Variants in RNF144A observed in about 807,000 individuals in gnomAD.
The protein encoded by RNF144A is ring finger protein 144A, also known as E3 ubiquitin-protein ligase RNF144A.
A neutral mutation model predicts 38.7 loss-of-function variants in RNF144A; 11 were observed. The ratio of observed to expected loss-of-function variants is 0.28; its 90% confidence interval spans 0.18 to 0.47. The LOEUF (loss-of-function observed/expected upper bound fraction) is 0.47, where lower values mean the gene tolerates loss of function less well. RNF144A is among the 20% of genes least tolerant of loss of function. The pLI is 0.99. For missense variants in RNF144A, 316 were observed against 377.2 expected (o/e 0.84, Z 1.34); for synonymous variants, 149 against 143.9 (o/e 1.04, Z -0.25).
intron 3 of RNF144A, among the ~76,000 whole-genome samples, chr2:7,011,247 C>G (rs1670777745): frequency 6.6e-6 from 1 of 152,204 alleles, no homozygotes; most frequent in Admixed American, 6.5e-5. Context: ...TTCATCATCT[C>G]ACATAGTTGC....
At chr2:7,073,302 T>C in the RNF144A span, among the ~76,000 whole-genome samples, 2 of 152,206 alleles carry the variant, frequency 1.3e-5, no homozygotes, top group African/African-American at 4.8e-5. Context: ...CTTTGTACTT[T>C]CTGATGCAGG....
At position 7,041,896 on chromosome 2, in the gene RNF144A, C is replaced by T. The variant is rs1252095068; in HGVS notation, c.*2136C>T. 4.1e-6 allele frequency: 4 copies of T among 985,324 alleles called. No homozygotes were observed. The highest frequency in any genetic ancestry group is 4.8e-6 in the Non-Finnish European group (4 of 829,962). 61.0% of individuals were successfully genotyped at this position (985,324 alleles called of 1,614,324 possible). On this transcript the variant is annotated 3_prime_UTR_variant, in exon 9 of 9. Transcript: ENST00000320892. ...ATGACCTTATTTCTAGAGGGACAGGCTGTTCTGTTGGAAGAGTCTCTGGCC... is the reference window on the plus strand; with the variant it reads ...ATGACCTTATTTCTAGAGGGACAGGTTGTTCTGTTGGAAGAGTCTCTGGCC...
At chr2:7,039,520 GTGGA>G (rs530628262) in intron 8 of RNF144A, 105 bp from the exon 9 acceptor site, 281 of 1,517,306 alleles carry the variant, frequency 1.9e-4, no homozygotes, top group Admixed American at 5.2e-4. Context: ...GGATGGTTGG[GTGGA>G]TGGATGGATG....
chr2:7,018,397 C>T (rs1671282856), intron 5 of RNF144A, among the ~76,000 whole-genome samples: 1 of 152,256 alleles, frequency 6.6e-6, no homozygotes, highest in South Asian at 2.1e-4. Context: ...ACAGCACTCA[C>T]AGAGGGCAGG....
chr2:7,022,099 C>T (rs1467398994), intron 6 of RNF144A, among the ~76,000 whole-genome samples: 1 of 152,238 alleles, frequency 6.6e-6, no homozygotes, highest in Non-Finnish European at 1.5e-5. Flanking sequence ...AGCAGAGCCC[C>T]AGCTCTTGCT....
chr2:6,996,288 G>A (rs2460406), intron 2 of RNF144A, among the ~76,000 whole-genome samples: 37,560 of 152,170 alleles, frequency 0.25, 5,708 homozygotes, highest in Non-Finnish European at 0.35. Flanking sequence ...ATGTATTTTA[G>A]CAAAAGCTTC....
intron 2 of RNF144A, 32 bp from the exon 3 acceptor site, chr2:6,996,884 A>G (rs1669779242): frequency 1.2e-6 from 2 of 1,600,690 alleles, no homozygotes; most frequent in Non-Finnish European, 1.7e-6. Flanking sequence ...AGGGGTGGGG[A>G]GGTCTGACCT....
At chr2:7,021,295 G>C (rs1005508051) in intron 6 of RNF144A, among the ~76,000 whole-genome samples, 1 of 152,064 alleles carries the variant, frequency 6.6e-6, no homozygotes, top group African/African-American at 2.4e-5. Flanking sequence ...ACTTGCCCCT[G>C]CTCCTGTTGA....
In RNF144A at chr2:7,066,377, A is replaced by G. The variant is rs1191705327; in HGVS notation, c.735-1839A>G. Among the ~76,000 whole-genome samples the G allele has an allele frequency of 2.6e-5, 4 of 152,130 alleles. No individual in the cohort carries two copies. In the South Asian group the frequency reaches 6.2e-4, roughly 24 times the overall value. ...GCTGGGATTACAGGCGTCAGCCACCATGCCCGGTCAAGTTTTTCTCTTTTA... is the reference window on the plus strand; with the variant it reads ...GCTGGGATTACAGGCGTCAGCCACCGTGCCCGGTCAAGTTTTTCTCTTTTA... On this transcript the variant is annotated intron_variant, in intron 6 of 6. Coordinates refer to the RNF144A transcript ENST00000432850.
At chr2:6,969,875 C>A (rs1185607737) in intron 2 of RNF144A, among the ~76,000 whole-genome samples, 5 of 152,178 alleles carry the variant, frequency 3.3e-5, no homozygotes, top group Admixed American at 6.5e-5. Flanking sequence ...CATTCTCCTG[C>A]CTCAGCCTCC....
At chr2:6,945,417 T>C (rs182224352) in intron 2 of RNF144A, among the ~76,000 whole-genome samples, 1 of 152,242 alleles carries the variant, frequency 6.6e-6, no homozygotes, top group Non-Finnish European at 1.5e-5. Flanking sequence ...TTTCAGACTT[T>C]GGGCCATTTT....
Position 6,941,799 on chromosome 2 carries a change from G to T in RNF144A, c.-12+652G>T, listed in dbSNP as rs1666002836. Among the ~76,000 whole-genome samples the T allele has an allele frequency of 6.6e-6, 1 of 152,370 alleles. No individual in the cohort carries two copies. Among genetic ancestry groups the T allele is most frequent in the African/African-American group, 2.4e-5 (1 of 41,586 alleles). On this transcript the variant is annotated intron_variant, in intron 2 of 8. Coordinates refer to ENST00000320892, the MANE Select transcript of RNF144A (RefSeq NM_014746.6). This position sits in a 1 kb window ranked among gnomAD's most constrained non-coding sequence, Gnocchi z 6.5. ...CAGTAACTAGCCACTTAGCATCTGGGCAAGAGCGCTGTAGACAGAAGGGCT... is the reference window on the plus strand; with the variant it reads ...CAGTAACTAGCCACTTAGCATCTGGTCAAGAGCGCTGTAGACAGAAGGGCT...
At chr2:7,054,391 T>C (rs577954472) in intron 6 of RNF144A, among the ~76,000 whole-genome samples, 4 of 152,296 alleles carry the variant, frequency 2.6e-5, no homozygotes, top group Admixed American at 2.6e-4. Flanking sequence ...AGTGACATCT[T>C]TGCCTTGGTG....
intron 6 of RNF144A, among the ~76,000 whole-genome samples, chr2:7,056,753 C>T (rs1673756054): frequency 6.6e-6 from 1 of 152,210 alleles, no homozygotes; most frequent in Admixed American, 6.5e-5. Flanking sequence ...ATTCCATGGT[C>T]TCCCCCCCAG....
chr2:7,048,186 G>A (rs1013846727), downstream of RNF144A, among the ~76,000 whole-genome samples: 6 of 152,120 alleles, frequency 3.9e-5, no homozygotes, highest in South Asian at 2.1e-4. Flanking sequence ...AGGCACACCC[G>A]TACGATCTCA....
intron 2 of RNF144A, among the ~76,000 whole-genome samples, chr2:6,989,013 GC>G (rs1048646035): frequency 1.3e-5 from 2 of 151,944 alleles, no homozygotes; most frequent in African/African-American, 4.8e-5. Context: ...CCAATGTCCT[GC>G]CCCAGTCCTA....
At chr2:6,927,866 C>G (rs1249984724) in intron 1 of RNF144A, among the ~76,000 whole-genome samples, 3 of 152,220 alleles carry the variant, frequency 2.0e-5, no homozygotes, top group Non-Finnish European at 4.4e-5. Flanking sequence ...ATGTGGCTTG[C>G]ATCAGACTGA....
intron 2 of RNF144A, among the ~76,000 whole-genome samples, chr2:6,981,155 T>C (rs1345872898): frequency 6.6e-6 from 1 of 152,198 alleles, no homozygotes; most frequent in Non-Finnish European, 1.5e-5. Flanking sequence ...TGGGAGGAGT[T>C]GCCTTGAAGA....
At chr2:6,966,694 G>C (rs1333992876) in intron 2 of RNF144A, among the ~76,000 whole-genome samples, 2 of 152,202 alleles carry the variant, frequency 1.3e-5, no homozygotes, top group African/African-American at 4.8e-5. Flanking sequence ...AGTGACTTAG[G>C]GGCTATTTTC....
Sources: allele counts gnomAD v4.1 joint callset (sites outside exome capture counted in the v4.1 genomes callset), GRCh38; gene constraint gnomAD v4.1.1; non-coding constraint Gnocchi (gnomAD v3.1); transcripts MANE v1.5; gene names NCBI Gene and HGNC (gene_info 2026-07-23, HGNC 2026-07-21).